The following CFAP20DC variants were observed in gnomAD, a reference collection of about 807,000 sequenced individuals.
The protein encoded by CFAP20DC is CFAP20 domain containing.
Under a neutral mutation model 101.7 loss-of-function variants are expected in CFAP20DC, and 84 were observed. That is an observed-to-expected ratio of 0.83 (90% CI 0.69 to 0.99). The LOEUF (loss-of-function observed/expected upper bound fraction) is 0.99, where lower values mean the gene tolerates loss of function less well. Among genes scored for constraint, CFAP20DC ranks in the 50% least tolerant of loss-of-function variants. The probability of loss-of-function intolerance (pLI) is 0.00; values close to 1 mark genes in which losing one functional copy is unlikely to be tolerated. For missense variants in CFAP20DC, 1,007 were observed against 970.3 expected (o/e 1.04, Z -0.50); for synonymous variants, 359 against 351.2 (o/e 1.02, Z -0.25).
intron 1 of CFAP20DC, 49 bp downstream of exon 1, chr3:59,049,562 A>G (rs1700147078): frequency 2.0e-6 from 3 of 1,499,394 alleles, no homozygotes; most frequent in Non-Finnish European, 2.7e-6. Flanking sequence ...GGACTACCTC[A>G]CCCAAGAGGA....
At chr3:58,916,270 G>C (rs893522929) in intron 5 of CFAP20DC, among the ~76,000 whole-genome samples, 2 of 151,944 alleles carry the variant, frequency 1.3e-5, no homozygotes, top group South Asian at 4.2e-4. Context: ...TGACATGCTG[G>C]GGATTTCTTC....
chr3:58,821,443 C>T (rs1434270024), intron 14 of CFAP20DC, among the ~76,000 whole-genome samples: 1 of 151,762 alleles, frequency 6.6e-6, no homozygotes, highest in Non-Finnish European at 1.5e-5. Flanking sequence ...CAAACAAATT[C>T]ACAAGAAAAA....
intron 14 of CFAP20DC, among the ~76,000 whole-genome samples, chr3:58,827,973 C>G (rs1421232173): frequency 6.6e-6 from 1 of 152,130 alleles, no homozygotes; most frequent in Non-Finnish European, 1.5e-5. Context: ...ACAACGAGGC[C>G]TGGAGAAGGG....
chr3:59,032,724 T>A (rs1560024125), intron 4 of CFAP20DC, among the ~76,000 whole-genome samples: 1 of 152,120 alleles, frequency 6.6e-6, no homozygotes, highest in Non-Finnish European at 1.5e-5. Context: ...AAAACCCCCA[T>A]CTTCCTGGGA....
intron 4 of CFAP20DC, among the ~76,000 whole-genome samples, chr3:58,972,033 A>G (rs2091980011): frequency 6.6e-6 from 1 of 152,204 alleles, no homozygotes; most frequent in Non-Finnish European, 1.5e-5. Context: ...AGAGCATAAG[A>G]AAAAAGCAAT....
At position 58,753,787 on chromosome 3, in the gene CFAP20DC, C is replaced by T; in HGVS notation, c.2314G>A (p.Glu772Lys). 1.2e-6 allele frequency: 2 copies of T among 1,612,164 alleles called. No individual in the cohort carries two copies. The highest frequency in any genetic ancestry group is 1.7e-6 in the Non-Finnish European group (2 of 1,178,846). ...GTCCCACCTTGAACACTCAAACTTT[C>T]ACAGGAATCTGGACGCTGCTCAGCC... is the stretch of plus-strand genomic sequence containing the variant. ...QPAEQRPDSCESLSVQGEEDL... is the reference protein window; with the variant it reads ...QPAEQRPDSCKSLSVQGEEDL... Residue 772 changes from glutamate to lysine, a missense_variant, in exon 16 of 17, where the codon GAA becomes AAA. Glu to Lys is a moderately conservative substitution (Grantham distance 56, BLOSUM62 1). Coordinates refer to ENST00000482387, the MANE Select transcript of CFAP20DC (RefSeq NM_001394063.1).
intron 15 of CFAP20DC, among the ~76,000 whole-genome samples, chr3:58,804,165 T>A (rs2073896366): frequency 6.6e-6 from 1 of 152,178 alleles, no homozygotes; most frequent in South Asian, 2.1e-4. Flanking sequence ...AGCATGCAAC[T>A]CAACTCCTTT....
chr3:58,736,647 C>A (rs2067763676), intron 3 of CFAP20DC, among the ~76,000 whole-genome samples: 1 of 152,200 alleles, frequency 6.6e-6, no homozygotes, highest in Non-Finnish European at 1.5e-5. Flanking sequence ...CACATTAGAG[C>A]TAATTTCTCC....
intron 7 of CFAP20DC, among the ~76,000 whole-genome samples, chr3:58,879,478 C>T (rs559950243): frequency 5.9e-5 from 9 of 152,086 alleles, no homozygotes; most frequent in Non-Finnish European, 1.0e-4. Flanking sequence ...TGCTAAATAC[C>T]CTAATCTGCT....
intron 14 of CFAP20DC, among the ~76,000 whole-genome samples, chr3:58,830,817 G>C (rs1466316925): frequency 6.6e-6 from 1 of 152,050 alleles, no homozygotes; most frequent in African/African-American, 2.4e-5. Flanking sequence ...TCTTAAAATG[G>C]CTCTAGGTAC....
intron 14 of CFAP20DC, among the ~76,000 whole-genome samples, chr3:58,809,215 A>G (rs1246600318): frequency 6.6e-6 from 1 of 152,148 alleles, no homozygotes; most frequent in Admixed American, 6.6e-5. Flanking sequence ...ATAGACATCT[A>G]CAGAACTCTC....
intron 16 of CFAP20DC, among the ~76,000 whole-genome samples, chr3:58,745,403 A>C (rs1218634585): frequency 6.6e-6 from 1 of 151,248 alleles, no homozygotes; most frequent in Non-Finnish European, 1.5e-5. Flanking sequence ...ATGAGGAGTT[A>C]AACTGGAAGG....
At position 58,728,765 on chromosome 3, in the gene CFAP20DC, A is replaced by G. The variant is rs1044625963; in HGVS notation, c.198-11137T>C. Among the ~76,000 whole-genome samples, 7 of 152,210 alleles carry G rather than the reference A, an allele frequency of 4.6e-5. No homozygotes were observed. The highest frequency in any genetic ancestry group is 8.8e-5 in the Non-Finnish European group (6 of 68,040). Reference sequence around the variant, plus strand: ...ATATTGATTCTTCTCATCTATGAACATGGAACATCCTTTCAATTACTAGGT... The same window carrying G: ...ATATTGATTCTTCTCATCTATGAACGTGGAACATCCTTTCAATTACTAGGT... On this transcript the variant is annotated intron_variant, in intron 3 of 3. Coordinates refer to the CFAP20DC transcript ENST00000486145. This position sits in a 1 kb window ranked among gnomAD's most constrained non-coding sequence, Gnocchi z 4.7.
In CFAP20DC at chr3:58,937,729, T is replaced by C. The variant is rs758215193; in HGVS notation, c.312A>G (p.Leu104=). Residue 104 remains leucine, a synonymous_variant, in exon 5 of 17, where the codon TTA becomes TTG. Transcript: ENST00000482387. ...ITDLGNIKRR[L]YLSTVHKELS... is the part of the protein sequence containing the mutation. ...GTTCCTTATGGACCGTTGATAAATATAATCTTCTTTTGATGTTCCCTAAAT... is the reference window on the plus strand; with the variant it reads ...GTTCCTTATGGACCGTTGATAAATACAATCTTCTTTTGATGTTCCCTAAAT... 151 of 1,609,852 alleles carry C rather than the reference T, an allele frequency of 9.4e-5. 2 individuals carry two copies. The South Asian group carries it at 1.6e-3, about 17-fold the overall frequency.
Position 58,729,471 on chromosome 3 carries a change from T to C in CFAP20DC, c.198-11843A>G, listed in dbSNP as rs1400520959. The stretch of plus-strand genomic sequence containing the variant: ...ACAACATTAACGAATTCTTATAACT[T>C]TTATTAATTTATGTGTAGATAAAAG... On this transcript the variant is annotated intron_variant, in intron 3 of 3. Coordinates refer to the CFAP20DC transcript ENST00000486145. The surrounding 1 kb of genome is among the most constrained non-coding windows in gnomAD (Gnocchi z 4.4). Among the ~76,000 whole-genome samples the C allele has an allele frequency of 6.6e-6, 1 of 152,184 alleles. No homozygotes were observed. Among genetic ancestry groups the C allele is most frequent in the Non-Finnish European group, 1.5e-5 (1 of 68,036 alleles).
chr3:58,760,015 C>T (rs930617771), intron 15 of CFAP20DC, among the ~76,000 whole-genome samples: 8 of 152,238 alleles, frequency 5.3e-5, no homozygotes, highest in South Asian at 2.1e-4. Context: ...CTTGGCAATG[C>T]GGGCTCCTTT....
intron 16 of CFAP20DC, among the ~76,000 whole-genome samples, chr3:58,744,865 G>T (rs1388891033): frequency 6.6e-6 from 1 of 152,154 alleles, no homozygotes; most frequent in African/African-American, 2.4e-5. Context: ...GTGGGGCAAC[G>T]ATTTGTGCAG....
At chr3:58,734,377 T>C (rs760067532) in intron 3 of CFAP20DC, 2 of 358,258 alleles carry the variant, frequency 5.6e-6, no homozygotes, top group Non-Finnish European at 1.1e-5. Flanking sequence ...CTATAGTCAT[T>C]GTTTATCACC....
chr3:58,928,254 G>A (rs1311968509), intron 5 of CFAP20DC, among the ~76,000 whole-genome samples: 1 of 152,148 alleles, frequency 6.6e-6, no homozygotes, highest in African/African-American at 2.4e-5. Context: ...AAGGTGGAGA[G>A]GTATTATGAG....
Sources: gnomAD v4.1 joint callset for allele counts (sites outside exome capture counted in the v4.1 genomes callset) on GRCh38, gnomAD v4.1.1 for gene constraint, Gnocchi (gnomAD v3.1) non-coding constraint, MANE v1.5 for transcripts, NCBI Gene and HGNC (gene_info 2026-07-23, HGNC 2026-07-21) for gene names.